Variants in SNTG1 observed in about 807,000 individuals in gnomAD.
SNTG1 encodes syntrophin gamma 1, also known as gamma-1-syntrophin.
SNTG1 carries 39 observed loss-of-function variants against 74.7 expected under a neutral mutation model. The ratio of observed to expected loss-of-function variants is 0.52; its 90% CI spans 0.40 to 0.68. The LOEUF (loss-of-function observed/expected upper bound fraction) is 0.68, where lower values mean the gene tolerates loss of function less well. SNTG1 is among the 30% of genes least tolerant of loss of function. The pLI is 0.00. For synonymous variants in SNTG1, 254 were observed against 217.1 expected, an observed-to-expected ratio of 1.17 and a Z score of -1.49; for missense variants, 685 against 609.5, an observed-to-expected ratio of 1.12 and a Z score of -1.30.
At chr8:50,155,605 C>T (rs1248260645) in intron 1 of SNTG1, among the ~76,000 whole-genome samples, 1 of 151,528 alleles carries the variant, frequency 6.6e-6, no homozygotes, top group African/African-American at 2.4e-5. Flanking sequence ...GCACAGGAAA[C>T]CACAAAATAA....
At chr8:50,614,188 A>G (rs528056931) in intron 13 of SNTG1, among the ~76,000 whole-genome samples, 3 of 152,290 alleles carry the variant, frequency 2.0e-5, no homozygotes, top group African/African-American at 4.8e-5. Flanking sequence ...AATTTATTAC[A>G]AAGGAATAAG....
At chr8:50,009,954 C>T (rs1005994210) in intron 1 of SNTG1, among the ~76,000 whole-genome samples, 2 of 152,176 alleles carry the variant, frequency 1.3e-5, no homozygotes, top group African/African-American at 2.4e-5. Flanking sequence ...CGAGATCGTG[C>T]CATTGCACTC....
At chr8:50,085,539 C>G (rs1677738764) in intron 1 of SNTG1, among the ~76,000 whole-genome samples, 1 of 152,196 alleles carries the variant, frequency 6.6e-6, no homozygotes, top group Non-Finnish European at 1.5e-5. Flanking sequence ...ATAGTATCAT[C>G]AAGCCCTCAG....
At chr8:50,014,090 A>C (rs1816083990) in intron 1 of SNTG1, among the ~76,000 whole-genome samples, 1 of 152,140 alleles carries the variant, frequency 6.6e-6, no homozygotes, top group Non-Finnish European at 1.5e-5. Context: ...GTGATGTTTT[A>C]AGTTGGTGCT....
intron 2 of SNTG1, among the ~76,000 whole-genome samples, chr8:50,345,508 A>G (rs1293979388): frequency 1.3e-5 from 2 of 152,126 alleles, no homozygotes; most frequent in East Asian, 3.9e-4. Flanking sequence ...ACTCTGAATC[A>G]TATTTCCACT....
intron 4 of SNTG1, 105 bp downstream of exon 4, chr8:50,402,449 C>T: frequency 7.5e-7 from 1 of 1,336,802 alleles, no homozygotes; most frequent in Non-Finnish European, 1.0e-6. Context: ...AGTGTCTAGT[C>T]AATGGTTCTG....
intron 17 of SNTG1, among the ~76,000 whole-genome samples, chr8:50,728,265 C>G (rs1451932571): frequency 5.9e-5 from 9 of 152,156 alleles, no homozygotes; most frequent in African/African-American, 1.9e-4. Flanking sequence ...GGCCATTGAA[C>G]TGTCTGTCCT....
intron 12 of SNTG1, among the ~76,000 whole-genome samples, chr8:50,569,558 A>C (rs538652995): frequency 1.3e-4 from 20 of 151,518 alleles, no homozygotes; most frequent in Non-Finnish European, 1.8e-4. Flanking sequence ...CAAAAAAAAA[A>C]CCTTCTATTC....
At chr8:50,211,261 G>T (rs1414600590) in intron 2 of SNTG1, among the ~76,000 whole-genome samples, 2 of 152,014 alleles carry the variant, frequency 1.3e-5, no homozygotes, top group Non-Finnish European at 2.9e-5. Context: ...TAAAAGGTCT[G>T]CTTAACTTAA....
chr8:50,680,083 A>G (rs1309202715), intron 15 of SNTG1, among the ~76,000 whole-genome samples: 1 of 152,096 alleles, frequency 6.6e-6, no homozygotes, highest in Non-Finnish European at 1.5e-5. Context: ...GCCCTCAGTC[A>G]CCAGAAGTCT....
chr8:50,672,454 T>C (rs2131351357), intron 15 of SNTG1, among the ~76,000 whole-genome samples: 1 of 152,232 alleles, frequency 6.6e-6, no homozygotes, highest in South Asian at 2.1e-4. Context: ...GTATTTTTTT[T>C]CACATGTTTT....
At chr8:50,039,485 T>TC (rs1482710218) in intron 1 of SNTG1, among the ~76,000 whole-genome samples, 7 of 100,792 alleles carry the variant, frequency 6.9e-5, no homozygotes, top group Non-Finnish European at 1.2e-4. Context: ...AAAAAAAAAC[T>TC]CAAGTTAATT....
chr8:50,415,157 G>A (rs956211998), intron 4 of SNTG1, among the ~76,000 whole-genome samples: 2 of 152,230 alleles, frequency 1.3e-5, no homozygotes, highest in East Asian at 3.9e-4. Context: ...GTGAACAAAT[G>A]TTGTTTAAAT....
At chr8:50,189,835 G>T (rs1183010906) in intron 2 of SNTG1, among the ~76,000 whole-genome samples, 3 of 152,108 alleles carry the variant, frequency 2.0e-5, no homozygotes, top group African/African-American at 7.2e-5. Flanking sequence ...ATAGAGATAG[G>T]ATTTTAACTT....
chr8:50,558,877 A>C (rs924721165), intron 12 of SNTG1, among the ~76,000 whole-genome samples: 2 of 152,164 alleles, frequency 1.3e-5, no homozygotes, highest in African/African-American at 4.8e-5. Flanking sequence ...GGTACTTTTA[A>C]ATTTTTTGTA....
chr8:49,920,010 A>G (rs1463308664), intron 1 of SNTG1, among the ~76,000 whole-genome samples: 1 of 152,024 alleles, frequency 6.6e-6, no homozygotes. Context: ...TAACTTCATA[A>G]ATTAACTTTA....
intron 1 of SNTG1, among the ~76,000 whole-genome samples, chr8:50,037,445 G>T (rs1223147690): frequency 6.6e-6 from 1 of 152,128 alleles, no homozygotes; most frequent in Non-Finnish European, 1.5e-5. Context: ...GTTGTCATCT[G>T]GTTCACTCGT....
At chr8:50,055,306 T>C (rs1180113157) in intron 1 of SNTG1, among the ~76,000 whole-genome samples, 1 of 152,122 alleles carries the variant, frequency 6.6e-6, no homozygotes, top group African/African-American at 2.4e-5. Flanking sequence ...TATACATTGC[T>C]ACCTCTGGGA....
At chr8:50,147,939 G>T (rs896705285) in intron 1 of SNTG1, among the ~76,000 whole-genome samples, 1 of 152,126 alleles carries the variant, frequency 6.6e-6, no homozygotes, top group African/African-American at 2.4e-5. Context: ...AGGGAAAATA[G>T]AGGATAAGCA....
Sources: allele counts gnomAD v4.1 joint callset (sites outside exome capture counted in the v4.1 genomes callset), GRCh38; gene constraint gnomAD v4.1.1; transcripts MANE v1.5; gene names NCBI Gene and HGNC (gene_info 2026-07-23, HGNC 2026-07-21).